OXR1: variants seen among roughly 807,000 people sequenced by gnomAD.
OXR1 encodes oxidation resistance protein 1.
OXR1 carries 41 observed loss-of-function variants against 104.6 expected under a neutral mutation model. That is an observed-to-expected ratio of 0.39 (90% confidence interval 0.31 to 0.51). OXR1 has a LOEUF of 0.51. Among genes scored for constraint, OXR1 ranks in the 20% least tolerant of loss-of-function variants. The pLI, the probability that OXR1 is intolerant of heterozygous loss-of-function variation, is 0.77. For synonymous variants in OXR1, 348 were observed against 348.4 expected, an observed-to-expected ratio of 1.00 and a Z score of 0.01; for missense variants, 955 against 1,031.9, an observed-to-expected ratio of 0.93 and a Z score of 1.02.
chr8:106,702,332 A>G (rs1830659392), intron 7 of OXR1, among the ~76,000 whole-genome samples: 1 of 152,158 alleles, frequency 6.6e-6, no homozygotes, highest in African/African-American at 2.4e-5. Context: ...TATATACACT[A>G]TATACTTTAG....
intron 2 of OXR1, among the ~76,000 whole-genome samples, chr8:106,390,686 C>T (rs1350507727): frequency 6.6e-6 from 1 of 152,160 alleles, no homozygotes; most frequent in East Asian, 1.9e-4. Flanking sequence ...GCAGAATAAA[C>T]AATTCAGTAG....
intron 7 of OXR1, among the ~76,000 whole-genome samples, chr8:106,696,564 G>A (rs1016653472): frequency 2.0e-5 from 3 of 152,126 alleles, no homozygotes; most frequent in African/African-American, 7.2e-5. Flanking sequence ...AAGGACCTGT[G>A]CTATTTTGTA....
chr8:106,565,271 C>T (rs1344628651), intron 3 of OXR1, among the ~76,000 whole-genome samples: 2 of 152,148 alleles, frequency 1.3e-5, no homozygotes, highest in African/African-American at 4.8e-5. Flanking sequence ...TAAGCAACTT[C>T]AGTGAGGTCT....
At chr8:106,470,296 A>G (rs994480474) in intron 2 of OXR1, among the ~76,000 whole-genome samples, 16 of 151,852 alleles carry the variant, frequency 1.1e-4, no homozygotes, top group African/African-American at 3.6e-4. Flanking sequence ...AAACCAGAAG[A>G]TGCACTACCA....
At position 106,745,873 on chromosome 8, in the gene OXR1, T is replaced by C. The variant is rs751965521; in HGVS notation, c.2486+11T>C. ...TTTCGGTGGTGGAGGGTAAGTCTCTTGAACATTTCACTATGAGATTTTTGA... is the reference window on the plus strand; with the variant it reads ...TTTCGGTGGTGGAGGGTAAGTCTCTCGAACATTTCACTATGAGATTTTTGA... On this transcript the variant is annotated intron_variant, in intron 16 of 16. Coordinates refer to ENST00000517566, the MANE Select transcript of OXR1 (RefSeq NM_001198533.2). The C allele has an allele frequency of 3.4e-6, 5 of 1,469,868 alleles. No homozygotes were observed. Among genetic ancestry groups the C allele is most frequent in the Non-Finnish European group, 3.8e-6 (4 of 1,059,644 alleles). The allele number at this position is 1,469,868 out of a possible 1,614,324, so 91.1% of individuals were successfully genotyped here.
rs564443581 is a variant in OXR1 at position 106,271,354 on chromosome 8, C to G, written c.-139+987C>G. On this transcript the variant is annotated intron_variant, in intron 1 of 16. Coordinates refer to ENST00000517566, the MANE Select transcript of OXR1 (RefSeq NM_001198533.2). ...GTAGTCGTTTACGGGGGGAGCTGCT[C>G]GGGCTTCCGTTCAGTGGTTCCCGGC... Among the ~76,000 whole-genome samples the G allele has an allele frequency of 4.1e-4, 63 of 152,132 alleles. 3 individuals carry two copies. Among genetic ancestry groups the G allele is most frequent in the African/African-American group, 1.4e-3 (60 of 41,498 alleles).
chr8:106,335,076 C>T (rs1563723656), intron 1 of OXR1, among the ~76,000 whole-genome samples: 1 of 151,906 alleles, frequency 6.6e-6, no homozygotes, highest in Admixed American at 6.6e-5. Flanking sequence ...CTTTAACCAT[C>T]CTTGTCCTAA....
At chr8:106,447,542 AC>A (rs1259262914) in intron 2 of OXR1, among the ~76,000 whole-genome samples, 1 of 152,206 alleles carries the variant, frequency 6.6e-6, no homozygotes, top group Non-Finnish European at 1.5e-5. Flanking sequence ...TGTGAGATTA[AC>A]GAAGTCATGC....
At chr8:106,376,454 C>T (rs559571675) in intron 2 of OXR1, among the ~76,000 whole-genome samples, 1 of 152,212 alleles carries the variant, frequency 6.6e-6, no homozygotes, top group South Asian at 2.1e-4. Context: ...AGCCTGAGTT[C>T]ATGATCAAGG....
chr8:106,623,753 G>C (rs1389028089), intron 3 of OXR1, among the ~76,000 whole-genome samples: 2 of 152,198 alleles, frequency 1.3e-5, no homozygotes, highest in Admixed American at 1.3e-4. Flanking sequence ...TAGTATGAGA[G>C]AAGGTTTTTA....
At chr8:106,576,865 A>C (rs1817876539) in intron 3 of OXR1, among the ~76,000 whole-genome samples, 1 of 152,210 alleles carries the variant, frequency 6.6e-6, no homozygotes, top group African/African-American at 2.4e-5. Context: ...GAATCCCAAC[A>C]ATTTTAATCA....
intron 2 of OXR1, among the ~76,000 whole-genome samples, chr8:106,419,329 A>G (rs1409744445): frequency 1.3e-5 from 2 of 152,108 alleles, no homozygotes; most frequent in Non-Finnish European, 2.9e-5. Context: ...TCCTCTATTT[A>G]CTTACAAATA....
intron 3 of OXR1, among the ~76,000 whole-genome samples, chr8:106,643,095 A>G (rs1161441492): frequency 6.6e-6 from 1 of 152,222 alleles, no homozygotes; most frequent in Non-Finnish European, 1.5e-5. Flanking sequence ...AGGCAAATTT[A>G]TGGTTGACTC....
chr8:106,657,679 G>A (rs1433979745), intron 3 of OXR1: 7 of 271,902 alleles, frequency 2.6e-5, no homozygotes, highest in African/African-American at 4.4e-5. Flanking sequence ...TTCTGACCCC[G>A]CATCGGTTCC....
intron 16 of OXR1, among the ~76,000 whole-genome samples, chr8:106,750,013 C>T (rs540795626): frequency 6.6e-6 from 1 of 152,058 alleles, no homozygotes; most frequent in African/African-American, 2.4e-5. Context: ...CAAACAGCTT[C>T]CTATGCAGGA....
intron 1 of OXR1, among the ~76,000 whole-genome samples, chr8:106,316,642 T>G (rs1232227841): frequency 6.6e-6 from 1 of 152,104 alleles, no homozygotes; most frequent in East Asian, 1.9e-4. Flanking sequence ...AGTAAAACAT[T>G]GGGCTAGGAA....
At position 106,641,728 on chromosome 8, in the gene OXR1, A is replaced by C. The variant is rs138592792; in HGVS notation, c.221-37482A>C. On this transcript the variant is annotated intron_variant, in intron 3 of 16. Transcript: ENST00000517566. ...CTGAGCTTAGTTCTTAGAAGAAACA[A>C]AAGAGGAACATATTACCAGGGACAA... 3.4e-3 allele frequency among the ~76,000 whole-genome samples: 512 copies of C among 152,298 alleles called. 5 individuals are homozygous for C. Among genetic ancestry groups the C allele is most frequent in the African/African-American group, 0.012 (483 of 41,560 alleles).
At chr8:106,327,946 TC>T (rs905376403) in intron 1 of OXR1, among the ~76,000 whole-genome samples, 8 of 152,236 alleles carry the variant, frequency 5.3e-5, no homozygotes, top group Non-Finnish European at 8.8e-5. Flanking sequence ...GTAGCAGAAA[TC>T]CAATTCAAAT....
chr8:106,556,334 C>T (rs890047251), intron 3 of OXR1, among the ~76,000 whole-genome samples: 3 of 151,974 alleles, frequency 2.0e-5, no homozygotes, highest in African/African-American at 7.2e-5. Context: ...TTAAAAGTTC[C>T]TTATGATGTC....
Sources: allele counts gnomAD v4.1 joint callset (sites outside exome capture counted in the v4.1 genomes callset), GRCh38; gene constraint gnomAD v4.1.1; transcripts MANE v1.5; gene names NCBI Gene and HGNC (gene_info 2026-07-23, HGNC 2026-07-21).